Variants in NDST4 observed in about 807,000 individuals in gnomAD.
The protein encoded by NDST4 is N-heparan sulfate sulfotransferase 4.
NDST4 carries 63 observed loss-of-function variants against 100.8 expected under a neutral mutation model. The observed-to-expected ratio is 0.62, with a 90% CI of 0.51 to 0.77. NDST4 has a LOEUF of 0.77. Among genes scored for constraint, NDST4 ranks in the 30% least tolerant of loss-of-function variants. NDST4 has a pLI of 0.00. For missense variants in NDST4, 943 were observed against 1,018.4 expected (o/e 0.93, Z 1.01); for synonymous variants, 377 against 361.8 (o/e 1.04, Z -0.48).
At position 114,954,878 on chromosome 4, in the gene NDST4, G is replaced by T. The variant is rs925617488; in HGVS notation, c.1221+15552C>A. Among the ~76,000 whole-genome samples the T allele has an allele frequency of 2.0e-5, 3 of 152,182 alleles. No homozygotes were observed. In the East Asian group the frequency reaches 5.8e-4, roughly 30 times the overall value. ...GAGTGAATTCTCTGCAAATCTGGTT[G>T]TTCGAACATGTGTAGCCCCTCCCAC... On this transcript the variant is annotated intron_variant, in intron 4 of 13. Coordinates refer to ENST00000264363, the MANE Select transcript of NDST4 (RefSeq NM_022569.3).
intron 6 of NDST4, among the ~76,000 whole-genome samples, chr4:114,900,440 A>G (rs1330596832): frequency 1.3e-5 from 2 of 152,158 alleles, no homozygotes; most frequent in Admixed American, 6.5e-5. Context: ...GTAATGGACT[A>G]CATAACAGTG....
chr4:115,104,748 A>G (rs1257756157), intron 1 of NDST4, among the ~76,000 whole-genome samples: 1 of 152,150 alleles, frequency 6.6e-6, no homozygotes, highest in Non-Finnish European at 1.5e-5. Context: ...ATGATCAACA[A>G]TACAGTAGAG....
chr4:114,940,600 C>T (rs1263400197), intron 4 of NDST4, among the ~76,000 whole-genome samples: 1 of 152,146 alleles, frequency 6.6e-6, no homozygotes, highest in Non-Finnish European at 1.5e-5. Flanking sequence ...AGTAGTTGCA[C>T]TGTGCTCTTT....
intron 2 of NDST4, among the ~76,000 whole-genome samples, chr4:115,022,362 A>C (rs959900096): frequency 7.0e-6 from 1 of 143,466 alleles, no homozygotes; most frequent in Non-Finnish European, 1.5e-5. Context: ...TTCCACGTAC[A>C]TATGTGTTCC....
At chr4:114,937,221 G>A (rs895882192) in intron 5 of NDST4, 97 bp downstream of exon 5, 91 of 1,216,116 alleles carry the variant, frequency 7.5e-5, no homozygotes, top group Non-Finnish European at 1.1e-4. Flanking sequence ...TCATGTAAAA[G>A]AGGTTCGAGG....
intron 4 of NDST4, among the ~76,000 whole-genome samples, chr4:114,942,430 G>C (rs1057428895): frequency 4.6e-5 from 7 of 151,942 alleles, no homozygotes; most frequent in African/African-American, 1.7e-4. Flanking sequence ...CATTTTCCTA[G>C]CAGAAAAGAA....
At position 115,031,625 on chromosome 4, in the gene NDST4, C is replaced by T. The variant is rs114181165; in HGVS notation, c.978+44434G>A. On this transcript the variant is annotated intron_variant, in intron 2 of 13. Coordinates refer to ENST00000264363, the MANE Select transcript of NDST4 (RefSeq NM_022569.3). ...GGTTCCATGCTAGCTCTGGGACTCACTAAACTCCCTCATGTAGTTTAAAGT... is the reference window on the plus strand; with the variant it reads ...GGTTCCATGCTAGCTCTGGGACTCATTAAACTCCCTCATGTAGTTTAAAGT... Among the ~76,000 whole-genome samples the T allele has an allele frequency of 7.4e-3, 1,131 of 152,212 alleles. 20 individuals are homozygous for T. Among genetic ancestry groups the T allele is most frequent in the African/African-American group, 0.026 (1,074 of 41,544 alleles).
At chr4:114,959,714 C>T (rs996862113) in intron 4 of NDST4, among the ~76,000 whole-genome samples, 1 of 151,752 alleles carries the variant, frequency 6.6e-6, no homozygotes, top group Non-Finnish European at 1.5e-5. Context: ...ACTTGAAAAT[C>T]GATTATGAGA....
At chr4:115,057,473 C>T (rs148643538) in intron 2 of NDST4, among the ~76,000 whole-genome samples, 1 of 152,086 alleles carries the variant, frequency 6.6e-6, no homozygotes, top group African/African-American at 2.4e-5. Flanking sequence ...AACTGCCCAG[C>T]AATATAGCAA....
intron 13 of NDST4, 125 bp from the exon 14 acceptor site, chr4:114,828,060 G>T: frequency 2.3e-6 from 2 of 855,162 alleles, no homozygotes; most frequent in Non-Finnish European, 3.2e-6. Context: ...TATATTTCTT[G>T]TATTTTTCCT....
At chr4:114,943,214 C>T (rs965606869) in intron 4 of NDST4, among the ~76,000 whole-genome samples, 4 of 151,144 alleles carry the variant, frequency 2.6e-5, no homozygotes, top group South Asian at 2.1e-4. Flanking sequence ...ATCTTAAAAA[C>T]AGGACAAATA....
At chr4:114,927,634 T>C (rs1725412826) in intron 6 of NDST4, among the ~76,000 whole-genome samples, 1 of 152,116 alleles carries the variant, frequency 6.6e-6, no homozygotes, top group Non-Finnish European at 1.5e-5. Flanking sequence ...GTCAGCTTTG[T>C]GTCATGCTAG....
intron 3 of NDST4, among the ~76,000 whole-genome samples, chr4:114,971,244 A>G (rs1726508761): frequency 6.6e-6 from 1 of 152,114 alleles, no homozygotes; most frequent in Admixed American, 6.5e-5. Flanking sequence ...AATATTTCAT[A>G]AAAACTAAAC....
At chr4:115,068,815 C>CAAAA in intron 2 of NDST4, among the ~76,000 whole-genome samples, 1 of 77,616 alleles carries the variant, frequency 1.3e-5, no homozygotes, top group Non-Finnish European at 3.0e-5. Flanking sequence ...GGCTCCATCT[C>CAAAA]AAAAAAAAAA....
At chr4:115,051,765 G>A (rs2126279159) in intron 2 of NDST4, among the ~76,000 whole-genome samples, 1 of 152,146 alleles carries the variant, frequency 6.6e-6, no homozygotes, top group South Asian at 2.1e-4. Flanking sequence ...GTTCCTTTTG[G>A]ATATATACCC....
intron 2 of NDST4, among the ~76,000 whole-genome samples, chr4:115,067,284 T>C (rs1728969831): frequency 6.6e-6 from 1 of 152,198 alleles, no homozygotes; most frequent in Non-Finnish European, 1.5e-5. Flanking sequence ...AACCAGACTT[T>C]GTGTTTATCT....
chr4:114,929,159 T>C (rs894338369), intron 6 of NDST4, among the ~76,000 whole-genome samples: 2 of 150,080 alleles, frequency 1.3e-5, no homozygotes, highest in Non-Finnish European at 3.0e-5. Flanking sequence ...TATCTATCTA[T>C]CTATGTATCT....
intron 7 of NDST4, among the ~76,000 whole-genome samples, chr4:114,870,211 C>T (rs192352610): frequency 6.9e-4 from 105 of 152,256 alleles, no homozygotes; most frequent in Middle Eastern, 3.4e-3. Context: ...GCAATCCTAA[C>T]ACTGACAATT....
At chr4:115,083,957 G>C (rs1399717998) in intron 1 of NDST4, among the ~76,000 whole-genome samples, 1 of 152,142 alleles carries the variant, frequency 6.6e-6, no homozygotes, top group Non-Finnish European at 1.5e-5. Context: ...CAGAGAGTGA[G>C]GCACTGCTGT....
Sources: allele counts gnomAD v4.1 joint callset (sites outside exome capture counted in the v4.1 genomes callset), GRCh38; gene constraint gnomAD v4.1.1; transcripts MANE v1.5; gene names NCBI Gene and HGNC (gene_info 2026-07-23, HGNC 2026-07-21).